UNC13C: variants seen among roughly 807,000 people sequenced by gnomAD.
The protein encoded by UNC13C is protein unc-13 homolog C.
UNC13C carries 174 observed loss-of-function variants against 245.4 expected under a neutral mutation model. That is an observed-to-expected ratio of 0.71 (90% CI 0.63 to 0.80). The LOEUF is 0.80. Ranked by LOEUF, UNC13C falls within the 30% of genes least tolerant of loss-of-function variation. UNC13C has a pLI of 0.00. For missense variants in UNC13C, 2,829 were observed against 2,602.9 expected, an observed-to-expected ratio of 1.09 and a Z score of -1.89; for synonymous variants, 992 against 895.1, an observed-to-expected ratio of 1.11 and a Z score of -1.93.
intron 2 of UNC13C, among the ~76,000 whole-genome samples, chr15:54,071,171 T>G (rs1898308770): frequency 6.6e-6 from 1 of 152,124 alleles, no homozygotes; most frequent in African/African-American, 2.4e-5. Context: ...AGATCAGATT[T>G]TTATATCAAA....
intron 10 of UNC13C, among the ~76,000 whole-genome samples, chr15:54,288,402 C>A (rs988355675): frequency 6.6e-6 from 1 of 152,030 alleles, no homozygotes. Context: ...AATGAAAAGT[C>A]ATTCCATTAT....
At chr15:54,123,661 A>G (rs2030832610) in intron 2 of UNC13C, among the ~76,000 whole-genome samples, 1 of 152,154 alleles carries the variant, frequency 6.6e-6, no homozygotes, top group Non-Finnish European at 1.5e-5. Flanking sequence ...TTCTCCCAGC[A>G]GTTACATCTC....
At chr15:53,985,207 C>G (rs1894083734) in intron 1 of UNC13C, among the ~76,000 whole-genome samples, 1 of 151,972 alleles carries the variant, frequency 6.6e-6, no homozygotes, top group Admixed American at 6.6e-5. Flanking sequence ...GTTTGGTTTT[C>G]TGTTCCTGTG....
rs529508614 is a variant in UNC13C at position 54,005,272 on chromosome 15, T to C, written c.-256-7376T>C. Among the ~76,000 whole-genome samples, 8 of 151,482 alleles carry C rather than the reference T, an allele frequency of 5.3e-5. No individual in the cohort carries two copies. In the South Asian group the frequency reaches 1.5e-3, roughly 28 times the overall value. On this transcript the variant is annotated intron_variant, in intron 1 of 32. Coordinates refer to ENST00000260323, the MANE Select transcript of UNC13C (RefSeq NM_001080534.3). The stretch of plus-strand genomic sequence containing the variant: ...TATAGATTATTCTTGAGTAGGGGAG[T>C]TCTTCAAACATACTACATAGGTCAC...
rs1895450469 is a variant in UNC13C at position 54,013,035 on chromosome 15, C to A, written c.132C>A (p.Phe44Leu). The A allele has an allele frequency of 6.2e-7, 1 of 1,613,710 alleles. No individual in the cohort carries two copies. Among genetic ancestry groups the A allele is most frequent in the African/African-American group, 1.3e-5 (1 of 74,886 alleles). Residue 44 changes from phenylalanine to leucine, a missense_variant, in exon 2 of 33, where the codon TTC becomes TTA. By Grantham distance (22) the Phe-to-Leu change is conservative. Coordinates refer to ENST00000260323, the MANE Select transcript of UNC13C (RefSeq NM_001080534.3). ...EYRQQKKDQD[F>L]PTAGQTKSPK... ...GTCAGCAGAAAAAGGATCAAGACTTCCCCACTGCTGGCCAGACCAAATCCC... is the reference window on the plus strand; with the variant it reads ...GTCAGCAGAAAAAGGATCAAGACTTACCCACTGCTGGCCAGACCAAATCCC...
intron 2 of UNC13C, among the ~76,000 whole-genome samples, chr15:54,029,460 T>C (rs1896263762): frequency 6.6e-6 from 1 of 152,256 alleles, no homozygotes. Flanking sequence ...GTGAGAGGCA[T>C]TGTAGCTGAT....
intron 20 of UNC13C, among the ~76,000 whole-genome samples, chr15:54,499,840 A>G (rs1378853666): frequency 6.6e-6 from 1 of 152,134 alleles, no homozygotes; most frequent in South Asian, 2.1e-4. Flanking sequence ...ACTGTTGGAA[A>G]CTAAGCATAT....
rs949580405 is a variant in UNC13C, at chr15:54,438,569, G to C, written c.4933+23502G>C. On this transcript the variant is annotated intron_variant, in intron 19 of 32. Coordinates refer to ENST00000260323, the MANE Select transcript of UNC13C (RefSeq NM_001080534.3). Reference sequence around the variant, plus strand: ...CTTCCAGTCTCTAAAATGGCAAGCAGAGCATACCTTAATGTTTATGTTCTT... The same window carrying C: ...CTTCCAGTCTCTAAAATGGCAAGCACAGCATACCTTAATGTTTATGTTCTT... 2.0e-5 allele frequency among the ~76,000 whole-genome samples: 3 copies of C among 151,956 alleles called. No individual in the cohort carries two copies. In the East Asian group the frequency reaches 5.8e-4, roughly 29 times the overall value.
intron 14 of UNC13C, among the ~76,000 whole-genome samples, chr15:54,325,905 A>G (rs1485938692): frequency 2.6e-5 from 4 of 151,998 alleles, no homozygotes; most frequent in Non-Finnish European, 5.9e-5. Context: ...AGGGATTTTT[A>G]AACTATTTAA....
chr15:54,465,539 A>G (rs1282644591), intron 19 of UNC13C, among the ~76,000 whole-genome samples: 1 of 152,040 alleles, frequency 6.6e-6, no homozygotes, highest in Non-Finnish European at 1.5e-5. Flanking sequence ...GTTAGTAATA[A>G]CTTATTGAAT....
intron 19 of UNC13C, among the ~76,000 whole-genome samples, chr15:54,418,744 C>T (rs988553860): frequency 1.3e-5 from 2 of 152,050 alleles, no homozygotes; most frequent in South Asian, 2.1e-4. Context: ...GACAATAAAA[C>T]GGGAGCAAGA....
intron 2 of UNC13C, among the ~76,000 whole-genome samples, chr15:54,070,909 T>C (rs1203617329): frequency 6.6e-6 from 1 of 152,232 alleles, no homozygotes; most frequent in Non-Finnish European, 1.5e-5. Context: ...TAGACCACAC[T>C]ATCATTCATG....
intron 17 of UNC13C, among the ~76,000 whole-genome samples, chr15:54,391,407 C>A (rs1416952232): frequency 1.3e-5 from 2 of 151,950 alleles, no homozygotes; most frequent in Non-Finnish European, 2.9e-5. Context: ...TAACAAAATT[C>A]TGTTTACAAA....
chr15:54,393,344 T>G (rs955980412), intron 18 of UNC13C, among the ~76,000 whole-genome samples, 163 bp downstream of exon 18: 4 of 151,922 alleles, frequency 2.6e-5, no homozygotes, highest in African/African-American at 4.8e-5. Context: ...AATTAAATGA[T>G]ATTATGAATT....
chr15:53,980,163 C>T (rs556392733), intron 1 of UNC13C, among the ~76,000 whole-genome samples: 2 of 152,232 alleles, frequency 1.3e-5, no homozygotes, highest in East Asian at 3.9e-4. Context: ...AAGTAAATCA[C>T]CACCCTGCTC....
intron 4 of UNC13C, among the ~76,000 whole-genome samples, chr15:54,199,548 A>T (rs1405393442): frequency 6.6e-6 from 1 of 151,896 alleles, no homozygotes; most frequent in Non-Finnish European, 1.5e-5. Context: ...GACCTCCTTA[A>T]AAAAAACAAT....
At chr15:54,595,650 C>T (rs949343173) in intron 30 of UNC13C, among the ~76,000 whole-genome samples, 3 of 152,160 alleles carry the variant, frequency 2.0e-5, no homozygotes, top group Admixed American at 6.5e-5. Flanking sequence ...TTATCTAAGG[C>T]AATTGTGTTC....
chr15:53,910,927 G>A, the UNC13C span: 1 of 114,616 alleles, frequency 8.7e-6, no homozygotes, highest in African/African-American at 2.7e-5. Flanking sequence ...AAGTGAGTAG[G>A]TCTTTGGCCC....
At chr15:54,514,461 C>T (rs112918564) in intron 24 of UNC13C, among the ~76,000 whole-genome samples, 5 of 152,322 alleles carry the variant, frequency 3.3e-5, no homozygotes, top group African/African-American at 9.6e-5. Flanking sequence ...ATCTTATCCC[C>T]CACCATCTGT....
Sources: allele counts gnomAD v4.1 joint callset (sites outside exome capture counted in the v4.1 genomes callset), GRCh38; gene constraint gnomAD v4.1.1; transcripts MANE v1.5; gene names NCBI Gene and HGNC (gene_info 2026-07-23, HGNC 2026-07-21).